Variants in TASP1 observed in about 807,000 individuals in gnomAD.
TASP1 encodes the protein threonine aspartase 1.
TASP1 carries 16 observed loss-of-function variants against 56.6 expected under a neutral mutation model. The observed-to-expected ratio is 0.28, with a 90% CI of 0.19 to 0.43. The LOEUF is 0.43. TASP1 is among the 20% of genes least tolerant of loss of function. TASP1 has a pLI of 1.00. For missense variants in TASP1, 393 were observed against 511.6 expected, an observed-to-expected ratio of 0.77 and a Z score of 2.24; for synonymous variants, 179 against 184.2, an observed-to-expected ratio of 0.97 and a Z score of 0.23.
chr20:13,217,755 T>C, the TASP1 span, among the ~76,000 whole-genome samples: 9 of 152,346 alleles, frequency 5.9e-5, 1 homozygote, highest in Admixed American at 1.3e-4. Flanking sequence ...GTGCAAGGCA[T>C]TGTCTCAAAG....
chr20:13,115,263 T>G, the TASP1 span, among the ~76,000 whole-genome samples: 2 of 152,284 alleles, frequency 1.3e-5, no homozygotes, highest in South Asian at 2.1e-4. Context: ...GAAAACTTAG[T>G]GTGGGTGAAT....
the TASP1 span, among the ~76,000 whole-genome samples, chr20:13,183,811 C>T: frequency 4.6e-5 from 7 of 151,876 alleles, no homozygotes; most frequent in African/African-American, 9.7e-5. Context: ...GGGCGGATCA[C>T]GAGGTCAGGA....
the TASP1 span, among the ~76,000 whole-genome samples, chr20:13,126,258 G>A: frequency 0.018 from 2,773 of 152,246 alleles, 53 homozygotes; most frequent in South Asian, 0.03. Flanking sequence ...TTTGGGCACT[G>A]AACACAAAGT....
chr20:13,175,485 A>G, the TASP1 span, among the ~76,000 whole-genome samples: 1 of 152,224 alleles, frequency 6.6e-6, no homozygotes, highest in Middle Eastern at 3.2e-3. Context: ...GACTTAGGCA[A>G]CAAAGATAAA....
At chr20:13,110,288 C>T in the TASP1 span, 2 of 1,259,540 alleles carry the variant, frequency 1.6e-6, no homozygotes, top group South Asian at 2.6e-5. Context: ...GAAAGGCTCA[C>T]CTTTCCTAGC....
chr20:13,487,945 T>C (rs540534497), intron 10 of TASP1, among the ~76,000 whole-genome samples: 1 of 152,066 alleles, frequency 6.6e-6, no homozygotes, highest in African/African-American at 2.4e-5. Context: ...AAACAGGCCA[T>C]GAACCAGATT....
At chr20:13,126,935 T>C in the TASP1 span, among the ~76,000 whole-genome samples, 1 of 152,250 alleles carries the variant, frequency 6.6e-6, no homozygotes, top group East Asian at 1.9e-4. Flanking sequence ...GAACAGCAAA[T>C]TTCGATAATT....
the TASP1 span, among the ~76,000 whole-genome samples, chr20:13,372,865 A>T: frequency 6.6e-6 from 1 of 152,060 alleles, no homozygotes; most frequent in African/African-American, 2.4e-5. Context: ...CTTCAGATTT[A>T]TACTAACTTA....
chr20:13,121,756 A>C, the TASP1 span, among the ~76,000 whole-genome samples: 115,141 of 151,998 alleles, frequency 0.76, 44,691 homozygotes, highest in African/African-American at 0.94. Flanking sequence ...ATTTTTTGAA[A>C]CACACAAGCA....
the TASP1 span, among the ~76,000 whole-genome samples, chr20:13,134,052 G>T: frequency 9.8e-5 from 15 of 152,318 alleles, no homozygotes; most frequent in Non-Finnish European, 1.8e-4. Flanking sequence ...AGGTGTGTCT[G>T]CCATACAGGG....
intron 13 of TASP1, among the ~76,000 whole-genome samples, chr20:13,410,801 C>G (rs921649452): frequency 6.6e-6 from 1 of 152,040 alleles, no homozygotes; most frequent in African/African-American, 2.4e-5. Context: ...TCAATTGTTT[C>G]CATTCCTGTG....
chr20:13,628,953 A>G (rs1341872114), intron 2 of TASP1, among the ~76,000 whole-genome samples: 1 of 152,208 alleles, frequency 6.6e-6, no homozygotes, highest in Non-Finnish European at 1.5e-5. Context: ...CAAAAGCACT[A>G]GACTGAGACA....
At chr20:13,247,241 A>C in the TASP1 span, among the ~76,000 whole-genome samples, 1 of 152,306 alleles carries the variant, frequency 6.6e-6, no homozygotes, top group African/African-American at 2.4e-5. Flanking sequence ...TCAAAAAAAA[A>C]ATAAGAAGAG....
At chr20:13,374,737 G>GC in the TASP1 span, among the ~76,000 whole-genome samples, 2 of 152,138 alleles carry the variant, frequency 1.3e-5, no homozygotes, top group East Asian at 3.8e-4. Context: ...TCTGGGTCTT[G>GC]TTTTTGTTGC....
At chr20:13,269,449 C>G in the TASP1 span, among the ~76,000 whole-genome samples, 1 of 152,208 alleles carries the variant, frequency 6.6e-6, no homozygotes, top group African/African-American at 2.4e-5. Flanking sequence ...AATGCCTTTT[C>G]GTGACTTTTT....
At chr20:13,602,383 G>GA (rs1404632577) in intron 4 of TASP1, among the ~76,000 whole-genome samples, 1 of 152,084 alleles carries the variant, frequency 6.6e-6, no homozygotes, top group Non-Finnish European at 1.5e-5. Context: ...CCCTGGAAGA[G>GA]AAAAAAGGCA....
At chr20:13,310,625 A>C in the TASP1 span, among the ~76,000 whole-genome samples, 1 of 152,224 alleles carries the variant, frequency 6.6e-6, no homozygotes, top group Non-Finnish European at 1.5e-5. Flanking sequence ...TCAACAGAGT[A>C]AAGAGAAAAA....
intron 4 of TASP1, among the ~76,000 whole-genome samples, chr20:13,610,306 A>G (rs929839454): frequency 1.3e-5 from 2 of 152,238 alleles, no homozygotes; most frequent in Non-Finnish European, 2.9e-5. Flanking sequence ...AGAATACATA[A>G]TATATGATTC....
At chr20:13,149,997 GTTCA>G in the TASP1 span, among the ~76,000 whole-genome samples, 2 of 152,194 alleles carry the variant, frequency 1.3e-5, no homozygotes, top group Non-Finnish European at 2.9e-5. Context: ...GAAGTCATCT[GTTCA>G]TTGTGTAGCT....
Sources: allele counts gnomAD v4.1 joint callset (sites outside exome capture counted in the v4.1 genomes callset), GRCh38; gene constraint gnomAD v4.1.1; transcripts MANE v1.5; gene names NCBI Gene and HGNC (gene_info 2026-07-23, HGNC 2026-07-21).